Variants in FBXL17 observed in about 807,000 individuals in gnomAD.
FBXL17 encodes the protein F-box and leucine rich repeat protein 17, also known as F-box/LRR-repeat protein 17.
Under a neutral mutation model 66.2 loss-of-function variants are expected in FBXL17, and 22 were observed. The observed-to-expected ratio is 0.33, with a 90% CI of 0.24 to 0.47. The LOEUF (loss-of-function observed/expected upper bound fraction) is 0.47, where lower values mean the gene tolerates loss of function less well. FBXL17 is among the 20% of genes least tolerant of loss of function. The pLI is 1.00. For missense variants in FBXL17, 878 were observed against 948.2 expected, an observed-to-expected ratio of 0.93 and a Z score of 0.97; for synonymous variants, 474 against 400.5, an observed-to-expected ratio of 1.18 and a Z score of -2.19.
chr5:108,131,804 C>G (rs1246520744), intron 6 of FBXL17, among the ~76,000 whole-genome samples: 1 of 152,100 alleles, frequency 6.6e-6, no homozygotes, highest in East Asian at 1.9e-4. Context: ...AAAATTATCT[C>G]AATAAATGTA....
At chr5:108,176,157 A>G (rs1752787563) in intron 6 of FBXL17, among the ~76,000 whole-genome samples, 1 of 152,206 alleles carries the variant, frequency 6.6e-6, no homozygotes, top group South Asian at 2.1e-4. Flanking sequence ...ATTTTAAAAC[A>G]GATCTGAGAC....
In FBXL17 at chr5:108,370,223, C is replaced by T. The variant is rs934147536; in HGVS notation, c.994-2270G>A. Among the ~76,000 whole-genome samples the T allele has an allele frequency of 5.3e-5, 8 of 152,248 alleles. No individual in the cohort carries two copies. In the East Asian group the frequency reaches 1.2e-3, roughly 22 times the overall value. ...TTTGTTTTGTTTTTTTTCTCATTAA[C>T]ATTATAACACAATGATGTTGAACTA... On this transcript the variant is annotated intron_variant, in intron 1 of 8. Transcript: ENST00000542267.
At chr5:108,129,318 C>T (rs763266481) in intron 6 of FBXL17, among the ~76,000 whole-genome samples, 2 of 152,052 alleles carry the variant, frequency 1.3e-5, no homozygotes, top group Non-Finnish European at 2.9e-5. Context: ...CTAGTTGTCA[C>T]TCACAGGATG....
intron 4 of FBXL17, among the ~76,000 whole-genome samples, chr5:108,294,931 T>C (rs1758283705): frequency 6.6e-6 from 1 of 152,064 alleles, no homozygotes; most frequent in Admixed American, 6.6e-5. Context: ...AACACCTATG[T>C]TAGGTCTTCA....
intron 6 of FBXL17, among the ~76,000 whole-genome samples, chr5:108,170,695 G>A (rs944186986): frequency 1.1e-4 from 17 of 152,000 alleles, no homozygotes; most frequent in African/African-American, 3.4e-4. Context: ...CACCAGGCCC[G>A]GCTAATTTTT....
intron 4 of FBXL17, among the ~76,000 whole-genome samples, chr5:108,245,112 G>A (rs1398674938): frequency 6.6e-6 from 1 of 152,050 alleles, no homozygotes; most frequent in Non-Finnish European, 1.5e-5. Flanking sequence ...ATATAGATAT[G>A]AATAGACTTG....
intron 7 of FBXL17, among the ~76,000 whole-genome samples, chr5:107,982,097 T>G (rs1217445459): frequency 6.6e-6 from 1 of 152,060 alleles, no homozygotes; most frequent in African/African-American, 2.4e-5. Context: ...TCATATAATA[T>G]CTTAAGGTTA....
At chr5:107,923,663 T>A (rs1360399464) in intron 7 of FBXL17, among the ~76,000 whole-genome samples, 1 of 152,218 alleles carries the variant, frequency 6.6e-6, no homozygotes, top group East Asian at 1.9e-4. Context: ...AATGCACTTT[T>A]AAGCTAGAAA....
chr5:108,100,871 G>C (rs1749572872), intron 6 of FBXL17, among the ~76,000 whole-genome samples: 1 of 152,088 alleles, frequency 6.6e-6, no homozygotes, highest in Admixed American at 6.5e-5. Flanking sequence ...TTCATTCCTG[G>C]AATTGAGATG....
At chr5:108,306,304 T>G (rs1276618899) in intron 4 of FBXL17, among the ~76,000 whole-genome samples, 1 of 152,086 alleles carries the variant, frequency 6.6e-6, no homozygotes, top group Non-Finnish European at 1.5e-5. Context: ...ATGCATTTAA[T>G]ACAAATTACT....
intron 6 of FBXL17, among the ~76,000 whole-genome samples, chr5:108,053,157 A>C (rs2112827567): frequency 6.6e-6 from 1 of 152,320 alleles, no homozygotes; most frequent in Non-Finnish European, 1.5e-5. Flanking sequence ...TCAGGACAAA[A>C]TGCCAAAAGC....
rs142787820 is a variant in FBXL17, at chr5:107,962,825, T to C, written c.1822+58100A>G. Among the ~76,000 whole-genome samples the C allele has an allele frequency of 3.4e-4, 52 of 152,196 alleles. No individual in the cohort carries two copies. The East Asian group carries it at 8.9e-3, about 26-fold the overall frequency. On this transcript the variant is annotated intron_variant, in intron 7 of 8. Transcript: ENST00000542267. ...ACATTTCTTTTAATGACTTCAGTTA[T>C]TTCATGATCTATATAGAAGTCTTTG...
chr5:108,277,411 C>T (rs959026152), intron 4 of FBXL17, among the ~76,000 whole-genome samples: 1 of 151,996 alleles, frequency 6.6e-6, no homozygotes, highest in African/African-American at 2.4e-5. Flanking sequence ...CCATGCATTC[C>T]TTTTCAAGAA....
chr5:108,177,169 C>G (rs1752824826), intron 6 of FBXL17, among the ~76,000 whole-genome samples: 1 of 152,102 alleles, frequency 6.6e-6, no homozygotes, highest in South Asian at 2.1e-4. Context: ...TAAATAAATA[C>G]CTATTCAAAA....
At chr5:107,921,358 A>T (rs1750311500) in intron 7 of FBXL17, among the ~76,000 whole-genome samples, 1 of 152,244 alleles carries the variant, frequency 6.6e-6, no homozygotes, top group Admixed American at 6.5e-5. Context: ...GGCTGTGTGC[A>T]TATATCCCAT....
intron 7 of FBXL17, among the ~76,000 whole-genome samples, chr5:108,016,644 G>C (rs1754397012): frequency 6.6e-6 from 1 of 152,120 alleles, no homozygotes; most frequent in South Asian, 2.1e-4. Flanking sequence ...CATATGAAGT[G>C]CTGTGCGGCC....
At chr5:108,275,452 T>A (rs187013497) in intron 4 of FBXL17, among the ~76,000 whole-genome samples, 1 of 152,340 alleles carries the variant, frequency 6.6e-6, no homozygotes, top group East Asian at 1.9e-4. Flanking sequence ...ACCCTGAATA[T>A]GTTTCCATAG....
chr5:107,923,475 T>C (rs1412226132), intron 7 of FBXL17, among the ~76,000 whole-genome samples: 1 of 152,118 alleles, frequency 6.6e-6, no homozygotes, highest in Non-Finnish European at 1.5e-5. Flanking sequence ...TCCTAAATAC[T>C]TCCCAAATAC....
intron 6 of FBXL17, among the ~76,000 whole-genome samples, chr5:108,089,650 G>A (rs158189): frequency 6.6e-6 from 1 of 151,966 alleles, no homozygotes; most frequent in African/African-American, 2.4e-5. Flanking sequence ...CCCCATAGAC[G>A]GTAAGTTCCT....
Sources: allele counts gnomAD v4.1 joint callset (sites outside exome capture counted in the v4.1 genomes callset), GRCh38; gene constraint gnomAD v4.1.1; transcripts MANE v1.5; gene names NCBI Gene and HGNC (gene_info 2026-07-23, HGNC 2026-07-21).